Variants in GEN1 observed in about 807,000 individuals in gnomAD.
GEN1 encodes the protein flap endonuclease GEN homolog 1.
In GEN1, 64 loss-of-function variants were observed where a neutral mutation model predicts 67.6. That is an observed-to-expected ratio of 0.95 (90% CI 0.77 to 1.17). The LOEUF (loss-of-function observed/expected upper bound fraction) is 1.17, where lower values mean the gene tolerates loss of function less well. Ranked by LOEUF, GEN1 falls within the 50% of genes most tolerant of loss-of-function variation. The pLI, the probability that GEN1 is intolerant of heterozygous loss-of-function variation, is 0.00. For synonymous variants in GEN1, 371 were observed against 359.4 expected (o/e 1.03, Z -0.37); for missense variants, 1,058 against 1,048.3 (o/e 1.01, Z -0.13).
At position 17,787,769 on chromosome 2, in the gene GEN1, C is replaced by G. The variant is rs1024650449; in HGVS notation, c.*5830C>G. On this transcript the variant is annotated 3_prime_UTR_variant, in exon 14 of 14. Coordinates refer to ENST00000381254, the MANE Select transcript of GEN1 (RefSeq NM_001130009.3). ...TGAAATCCCATCTCTACAAAAAATA[C>G]AAAAATTAGCCGGGTGTGGTGATGG... 2 of 152,100 alleles carry G rather than the reference C, an allele frequency of 1.3e-5. No homozygotes were observed. Among genetic ancestry groups the G allele is most frequent in the African/African-American group, 4.8e-5 (2 of 41,386 alleles). The allele number at this position is 152,100 out of a possible 1,614,324, so 9.4% of individuals were successfully genotyped here.
intron 12 of GEN1, among the ~76,000 whole-genome samples, chr2:17,778,377 CATATAT>C (rs1296335104): frequency 9.4e-5 from 2 of 21,180 alleles, no homozygotes; most frequent in African/African-American, 2.7e-4. Context: ...TATACACACA[CATATAT>C]GTGTGTACAT....
intron 11 of GEN1, among the ~76,000 whole-genome samples, chr2:17,776,204 G>A (rs1478782733): frequency 6.6e-6 from 1 of 151,758 alleles, no homozygotes; most frequent in Non-Finnish European, 1.5e-5. Context: ...ACGTTCTGTG[G>A]AGCTATTATC....
In GEN1 at chr2:17,781,969, AT is replaced by A; in HGVS notation, c.*34del. 8.1e-7 allele frequency: 1 copy of A among 1,232,470 alleles called. No individual in the cohort carries two copies. Among genetic ancestry groups the A allele is most frequent in the Non-Finnish European group, 1.1e-6 (1 of 879,032 alleles). 76.3% of individuals were successfully genotyped at this position (1,232,470 alleles called of 1,614,324 possible). A position where few individuals can be genotyped will look rare whatever the true frequency, so the allele number is the denominator to read the frequency against. On this transcript the variant is annotated 3_prime_UTR_variant, in exon 14 of 14. Coordinates refer to ENST00000381254, the MANE Select transcript of GEN1 (RefSeq NM_001130009.3). ...TAAAACACTTAGGTATAACTTAACTATTTTAGTACTATCAGCAATAGCAGAG... is the reference window on the plus strand; with the variant it reads ...TAAAACACTTAGGTATAACTTAACTATTTAGTACTATCAGCAATAGCAGAG...
chr2:17,771,048 T>C (rs1395933968), intron 6 of GEN1, 148 bp from the exon 7 acceptor site: 1 of 683,094 alleles, frequency 1.5e-6, no homozygotes. Flanking sequence ...ACTGAGGGTT[T>C]TCCCACACTA....
Position 17,756,973 on chromosome 2 carries a change from A to G in GEN1, c.-16+2628A>G, listed in dbSNP as rs1243138409. The stretch of plus-strand genomic sequence containing the variant: ...AACATGTGATAAGGAATGGAAAACA[A>G]TTGATGATGGAAACAGAGATTTGGA... On this transcript the variant is annotated intron_variant, in intron 1 of 13. Transcript: ENST00000381254. Among the ~76,000 whole-genome samples, 3 of 152,216 alleles carry G rather than the reference A, an allele frequency of 2.0e-5. No homozygotes were observed. The East Asian group carries it at 5.8e-4, about 29-fold the overall frequency.
At chr2:17,764,019 A>G (rs1572395354) in intron 3 of GEN1, among the ~76,000 whole-genome samples, 1 of 152,230 alleles carries the variant, frequency 6.6e-6, no homozygotes, top group Non-Finnish European at 1.5e-5. Context: ...ATACATGACA[A>G]AAAAGAATGG....
rs1671670279 is a variant in GEN1, at chr2:17,761,423, A to G, written c.189A>G (p.Leu63=). ...LRNLFFRISY[L]TQMDVKLVFV... is the part of the protein sequence containing the mutation. ...ACTTATTTTTTCGTATCTCATATTT[A>G]ACACAAATGGATGTAAAACTGGTAT... The change falls in exon 3 of 14, where the codon TTA becomes TTG. Residue 63 remains leucine (L), a synonymous_variant. Coordinates refer to ENST00000381254, the MANE Select transcript of GEN1 (RefSeq NM_001130009.3). 1.9e-6 allele frequency: 3 copies of G among 1,601,848 alleles called. No homozygotes were observed. Among genetic ancestry groups the G allele is most frequent in the Non-Finnish European group, 2.6e-6 (3 of 1,171,930 alleles).
At chr2:17,762,085 A>G (rs778817344) in intron 3 of GEN1, among the ~76,000 whole-genome samples, 6 of 151,566 alleles carry the variant, frequency 4.0e-5, no homozygotes, top group Non-Finnish European at 7.4e-5. Flanking sequence ...TATATTATTT[A>G]TATGTTACTT....
chr2:17,764,238 A>C (rs555095898), intron 3 of GEN1, among the ~76,000 whole-genome samples: 2 of 152,358 alleles, frequency 1.3e-5, no homozygotes, highest in East Asian at 3.9e-4. Flanking sequence ...TTCATTGTAC[A>C]GGGAAGGCAA....
At position 17,780,012 on chromosome 2, in the gene GEN1, A is replaced by C; in HGVS notation, c.1299A>C (p.Glu433Asp). ...HYAMEDKQHG[E>D]FALLTIEEES... ...CTATGGAAGATAAACAACATGGAGA[A>C]TTTGCTTTATTAACAATTGAGGAAG... is the stretch of plus-strand genomic sequence containing the variant. Residue 433 changes from glutamate (E) to aspartate (D), a missense_variant, in exon 13 of 14, where the codon GAA (glutamate) becomes GAC (aspartate). Coordinates refer to ENST00000381254, the MANE Select transcript of GEN1 (RefSeq NM_001130009.3). 6.2e-7 allele frequency: 1 copy of C among 1,600,650 alleles called. No homozygotes were observed. Among genetic ancestry groups the C allele is most frequent in the Middle Eastern group, 1.7e-4 (1 of 6,046 alleles).
chr2:17,778,176 A>ATATATATATACACACACATAGATATGTG lies in GEN1; in HGVS notation c.1264+123_1264+124insCACACACATAGATATGTGTATATATATA, dbSNP rs1558408488. ...TATACACACACACATAGATATGTGT[A>ATATATATATACACACACATAGATATGTG]TATATATATATACACACACACATAT... On this transcript the variant is annotated intron_variant, in intron 12 of 13. Coordinates refer to ENST00000381254, the MANE Select transcript of GEN1 (RefSeq NM_001130009.3). The ATATATATATACACACACATAGATATGTG allele has an allele frequency of 8.2e-5, 24 of 294,422 alleles. 1 individual carries two copies. Among genetic ancestry groups the ATATATATATACACACACATAGATATGTG allele is most frequent in the Admixed American group, 3.1e-4 (5 of 15,922 alleles). The allele number at this position is 294,422 out of a possible 1,614,324, so 18.2% of individuals were successfully genotyped here. A position where few individuals can be genotyped will look rare whatever the true frequency, so the allele number is the denominator to read the frequency against.
chr2:17,759,530 C>T (rs9306857), intron 1 of GEN1, among the ~76,000 whole-genome samples: 5,592 of 151,904 alleles, frequency 0.037, 302 homozygotes, highest in African/African-American at 0.11. Context: ...CCTCACTTTT[C>T]TAAGTTTTCC....
At chr2:17,767,931 G>A (rs556330674) in intron 5 of GEN1, among the ~76,000 whole-genome samples, 1 of 152,328 alleles carries the variant, frequency 6.6e-6, no homozygotes, top group Non-Finnish European at 1.5e-5. Flanking sequence ...CAATAGAGAT[G>A]GAAGAGACTT....
chr2:17,765,394 C>T (rs1327693349), intron 4 of GEN1, among the ~76,000 whole-genome samples: 2 of 152,206 alleles, frequency 1.3e-5, no homozygotes, highest in African/African-American at 4.8e-5. Context: ...CTCAGAAATA[C>T]CTCCAAATAT....
chr2:17,774,501 G>A (rs1672339682), intron 11 of GEN1, 100 bp downstream of exon 11: 5 of 872,836 alleles, frequency 5.7e-6, no homozygotes, highest in Non-Finnish European at 8.4e-6. Context: ...TAAAGGTGGA[G>A]GAAAGGCCTC....
intron 1 of GEN1, among the ~76,000 whole-genome samples, chr2:17,757,776 CTT>C (rs1251753509): frequency 6.6e-6 from 1 of 152,166 alleles, no homozygotes; most frequent in African/African-American, 2.4e-5. Context: ...AAATTTGTCA[CTT>C]AATATTTAGC....
chr2:17,763,175 C>T lies in GEN1; in HGVS notation c.348+1593C>T, dbSNP rs531348471. Among the ~76,000 whole-genome samples the T allele has an allele frequency of 1.1e-3, 171 of 152,068 alleles. 1 individual carries two copies. The highest frequency in any genetic ancestry group is 2.2e-3 in the Admixed American group (34 of 15,266). On this transcript the variant is annotated intron_variant, in intron 3 of 13. Coordinates refer to ENST00000381254, the MANE Select transcript of GEN1 (RefSeq NM_001130009.3). The stretch of plus-strand genomic sequence containing the variant: ...TTTAATTTTAGTTAAAAAATTATGC[C>T]ATTTTTCTCCTCTTCTGAAATTTTA...
At chr2:17,772,168 G>A (rs1672220315) in intron 7 of GEN1, among the ~76,000 whole-genome samples, 2 of 151,984 alleles carry the variant, frequency 1.3e-5, no homozygotes, top group African/African-American at 4.8e-5. Context: ...AAAAATAACT[G>A]TAACTGAGAG....
chr2:17,774,648 T>C (rs1242954411), intron 11 of GEN1, among the ~76,000 whole-genome samples: 1 of 152,096 alleles, frequency 6.6e-6, no homozygotes, highest in Non-Finnish European at 1.5e-5. Flanking sequence ...ATAGCCAGGC[T>C]TTATAAGACA....
Sources: gnomAD v4.1 joint callset for allele counts (sites outside exome capture counted in the v4.1 genomes callset) on GRCh38, gnomAD v4.1.1 for gene constraint, MANE v1.5 for transcripts, NCBI Gene and HGNC (gene_info 2026-07-23, HGNC 2026-07-21) for gene names.